The following CYFIP2 variants were observed in gnomAD, a reference collection of about 807,000 sequenced individuals.
CYFIP2 encodes the protein cytoplasmic FMR1-interacting protein 2.
In CYFIP2, 29 loss-of-function variants were observed where a neutral mutation model predicts 158.7. The ratio of observed to expected loss-of-function variants is 0.18; its 90% CI spans 0.14 to 0.25. The LOEUF is 0.25. Ranked by LOEUF, CYFIP2 falls within the 10% of genes least tolerant of loss-of-function variation. CYFIP2 has a pLI of 1.00. For missense variants in CYFIP2, 852 were observed against 1,639.5 expected, an observed-to-expected ratio of 0.52 and a Z score of 8.29; for synonymous variants, 585 against 617.6, an observed-to-expected ratio of 0.95 and a Z score of 0.78.
chr5:157,386,658 A>G (rs752293181), intron 28 of CYFIP2, among the ~76,000 whole-genome samples: 4 of 152,192 alleles, frequency 2.6e-5, no homozygotes, highest in Non-Finnish European at 5.9e-5. Context: ...GGTGGCTCAC[A>G]CCTGGAATCC....
intron 8 of CYFIP2, chr5:157,304,724 G>A (rs1477633645): frequency 5.8e-6 from 1 of 173,334 alleles, no homozygotes; most frequent in Non-Finnish European, 1.2e-5. Flanking sequence ...AAACTTCCTA[G>A]AAGAGAAATT....
intron 23 of CYFIP2, among the ~76,000 whole-genome samples, chr5:157,350,204 A>G (rs10068267): frequency 0.25 from 37,765 of 152,068 alleles, 5,427 homozygotes; most frequent in African/African-American, 0.39. Flanking sequence ...GCCTAAGCCA[A>G]TGTCTAGAAG....
At chr5:157,276,820 T>G (rs1215672791) in intron 1 of CYFIP2, among the ~76,000 whole-genome samples, 2 of 152,220 alleles carry the variant, frequency 1.3e-5, no homozygotes, top group Non-Finnish European at 2.9e-5. Flanking sequence ...GACCTGTGTT[T>G]ATGTTCATTA....
chr5:157,384,840 T>C, intron 28 of CYFIP2: 1 of 261,284 alleles, frequency 3.8e-6, no homozygotes, highest in Admixed American at 4.8e-5. Context: ...CTTGGGAGGC[T>C]GAGGCAGGAG....
Position 157,341,026 on chromosome 5 carries a change from A to G in CYFIP2, c.2586-44A>G. ...TTATCTGTGTCCCATGGAGAATAATATTAGGACCATATTAACTCTTTCCCA... is the reference window on the plus strand; with the variant it reads ...TTATCTGTGTCCCATGGAGAATAATGTTAGGACCATATTAACTCTTTCCCA... On this transcript the variant is annotated intron_variant, in intron 22 of 30. Transcript: ENST00000620254. 3 of 1,568,050 alleles carry G rather than the reference A, an allele frequency of 1.9e-6. No homozygotes were observed. In the South Asian group the frequency reaches 3.3e-5, roughly 17 times the overall value.
intron 30 of CYFIP2, 124 bp downstream of exon 30, chr5:157,390,792 T>C (rs1220492061): frequency 2.1e-6 from 3 of 1,449,270 alleles, no homozygotes; most frequent in Non-Finnish European, 2.8e-6. Flanking sequence ...AGTACAAAGA[T>C]ACTATAGGCT....
rs944023726 is a variant in CYFIP2 at position 157,361,903 on chromosome 5, T to C, written c.3039+305T>C. Among the ~76,000 whole-genome samples the C allele has an allele frequency of 6.6e-6, 1 of 152,126 alleles. No homozygotes were observed. Among genetic ancestry groups the C allele is most frequent in the Non-Finnish European group, 1.5e-5 (1 of 68,030 alleles). On this transcript the variant is annotated intron_variant, in intron 26 of 30. Coordinates refer to ENST00000620254, the MANE Select transcript of CYFIP2 (RefSeq NM_001037333.3). This position sits in a 1 kb window ranked among gnomAD's most constrained non-coding sequence, Gnocchi z 4.4. ...ACTGCAGGAGAAAGGAGGGTGTTTA[T>C]TTTCAGAGTACCAAGCAAGGAGAAC...
At chr5:157,283,373 C>G (rs1167435002) in intron 1 of CYFIP2, among the ~76,000 whole-genome samples, 1 of 152,060 alleles carries the variant, frequency 6.6e-6, no homozygotes, top group Non-Finnish European at 1.5e-5. Flanking sequence ...TCATTATGCC[C>G]AGTAAAATCA....
chr5:157,281,638 A>G (rs746805222), intron 1 of CYFIP2, among the ~76,000 whole-genome samples: 10 of 152,224 alleles, frequency 6.6e-5, no homozygotes, highest in Non-Finnish European at 7.3e-5. Context: ...AGTTACTCCA[A>G]TAGTACAACA....
intron 23 of CYFIP2, among the ~76,000 whole-genome samples, chr5:157,356,866 G>T (rs992979191): frequency 5.9e-5 from 9 of 152,146 alleles, no homozygotes; most frequent in African/African-American, 1.9e-4. Context: ...AAAATGACAT[G>T]GCCTGGCCCC....
intron 30 of CYFIP2, among the ~76,000 whole-genome samples, chr5:157,391,815 T>G (rs1201210458): frequency 6.9e-6 from 1 of 145,238 alleles, no homozygotes; most frequent in African/African-American, 2.5e-5. Flanking sequence ...CTGGATCGTA[T>G]GGTAATTCTA....
chr5:157,382,718 C>A (rs911076396), intron 27 of CYFIP2, 56 bp downstream of exon 27: 2 of 1,544,064 alleles, frequency 1.3e-6, no homozygotes, highest in East Asian at 2.3e-5. Context: ...CTTATTCTCA[C>A]TTCCTAATTG....
chr5:157,288,526 G>A (rs769753731), intron 3 of CYFIP2: 2 of 448,388 alleles, frequency 4.5e-6, no homozygotes, highest in South Asian at 1.6e-5. Flanking sequence ...AGGTATGCAA[G>A]GGCAGATAGG....
At chr5:157,374,835 G>A (rs566232757) in intron 26 of CYFIP2, among the ~76,000 whole-genome samples, 1 of 152,146 alleles carries the variant, frequency 6.6e-6, no homozygotes, top group African/African-American at 2.4e-5. Context: ...TTTGCTGATT[G>A]CACATTCCAG....
chr5:157,376,857 C>T, intron 26 of CYFIP2: 1 of 456,450 alleles, frequency 2.2e-6, no homozygotes, highest in South Asian at 1.6e-5. Flanking sequence ...CTAGGCCTCA[C>T]ATCTAGTTGC....
rs1202685119 is a variant in CYFIP2 at position 157,323,909 on chromosome 5, T to C, written c.1672-12T>C. ...CAGCTTCTGACCTTCTCATCTTGCT[T>C]TCTTTTTCAAGCTGTACATGGTGCG... On this transcript the variant is annotated splice_polypyrimidine_tract_variant and intron_variant, in intron 15 of 30. Coordinates refer to ENST00000620254, the MANE Select transcript of CYFIP2 (RefSeq NM_001037333.3). 6.5e-7 allele frequency: 1 copy of C among 1,546,296 alleles called. No individual in the cohort carries two copies. The highest frequency in any genetic ancestry group is 1.2e-5 in the South Asian group (1 of 84,420).
At position 157,326,207 on chromosome 5, in the gene CYFIP2, C is replaced by T. The variant is rs372517333; in HGVS notation, c.2019C>T (p.Ser673=). The T allele has an allele frequency of 3.7e-5, 60 of 1,613,828 alleles. No individual in the cohort carries two copies. The highest frequency in any genetic ancestry group is 4.7e-5 in the Non-Finnish European group (56 of 1,179,838). Residue 673 remains serine (S), a synonymous_variant, in exon 18 of 31, where the codon AGC becomes AGT. Transcript: ENST00000620254. ...ACCCTCTGGATCTGTACAACGACAG[C>T]GCCTACTATGCTCTGACCAAGTTTA... ...VLYPLDLYND[S]AYYALTKFKK...
Position 157,393,131 on chromosome 5 carries a change from C to A in CYFIP2, c.*131C>A, listed in dbSNP as rs1767470448. The A allele has an allele frequency of 1.0e-6, 1 of 971,264 alleles. No individual in the cohort carries two copies. Among genetic ancestry groups the A allele is most frequent in the African/African-American group, 1.7e-5 (1 of 60,442 alleles). 60.2% of individuals were successfully genotyped at this position (971,264 alleles called of 1,614,324 possible). On this transcript the variant is annotated 3_prime_UTR_variant, in exon 31 of 31. Transcript: ENST00000620254. Reference sequence around the variant, plus strand: ...CTGGAAACAAGCACCTCCCCAAACACATCACCACTCCCTAGGGCGGGGCCT... The same window carrying A: ...CTGGAAACAAGCACCTCCCCAAACAAATCACCACTCCCTAGGGCGGGGCCT...
intron 23 of CYFIP2, among the ~76,000 whole-genome samples, chr5:157,350,031 T>C (rs1360386575): frequency 6.6e-6 from 1 of 152,250 alleles, no homozygotes; most frequent in African/African-American, 2.4e-5. Context: ...TATTAGTCCT[T>C]TGTCAGATGT....
Sources: allele counts gnomAD v4.1 joint callset (sites outside exome capture counted in the v4.1 genomes callset), GRCh38; gene constraint gnomAD v4.1.1; non-coding constraint Gnocchi (gnomAD v3.1); transcripts MANE v1.5; gene names NCBI Gene and HGNC (gene_info 2026-07-23, HGNC 2026-07-21).